PRR5L: variants seen among roughly 807,000 people sequenced by gnomAD.
PRR5L encodes proline rich 5 like, also known as proline-rich protein 5-like.
In PRR5L, 21 loss-of-function variants were observed where a neutral mutation model predicts 36.4. The observed-to-expected ratio is 0.58, with a 90% CI of 0.41 to 0.83. PRR5L has a LOEUF of 0.83. Among genes scored for constraint, PRR5L ranks in the 40% least tolerant of loss-of-function variants. The probability of loss-of-function intolerance (pLI) is 0.00; values close to 1 mark genes in which losing one functional copy is unlikely to be tolerated. For missense variants in PRR5L, 381 were observed against 473.3 expected, an observed-to-expected ratio of 0.80 and a Z score of 1.81; for synonymous variants, 188 against 197.0, an observed-to-expected ratio of 0.95 and a Z score of 0.38.
At chr11:36,422,376 T>C (rs983701971) in intron 4 of PRR5L, among the ~76,000 whole-genome samples, 4 of 152,152 alleles carry the variant, frequency 2.6e-5, no homozygotes, top group Non-Finnish European at 5.9e-5. Context: ...AGATGAGGAA[T>C]GGAACCCAGG....
intron 3 of PRR5L, among the ~76,000 whole-genome samples, chr11:36,414,888 A>G (rs1159471517): frequency 2.1e-5 from 3 of 141,598 alleles, no homozygotes; most frequent in Admixed American, 7.0e-5. Flanking sequence ...TAATTTTTGT[A>G]TAAGGTGTAA....
At chr11:36,373,137 G>A (rs998475631) in intron 1 of PRR5L, among the ~76,000 whole-genome samples, 1 of 152,118 alleles carries the variant, frequency 6.6e-6, no homozygotes, top group African/African-American at 2.4e-5. Context: ...GGCTGCCTCA[G>A]GGATAGCTAC....
chr11:36,300,202 C>T (rs1027780465), intron 1 of PRR5L, among the ~76,000 whole-genome samples: 5 of 152,042 alleles, frequency 3.3e-5, no homozygotes, highest in African/African-American at 1.2e-4. Flanking sequence ...GTTTATTTGG[C>T]TCACGTTTCT....
intron 1 of PRR5L, among the ~76,000 whole-genome samples, chr11:36,357,817 C>T (rs553785024): frequency 6.6e-6 from 1 of 152,220 alleles, no homozygotes; most frequent in South Asian, 2.1e-4. Flanking sequence ...TGCCTGCTAA[C>T]ACAACATCCG....
intron 1 of PRR5L, among the ~76,000 whole-genome samples, chr11:36,352,621 C>G (rs417207): frequency 0.069 from 10,447 of 151,998 alleles, 1,204 homozygotes; most frequent in African/African-American, 0.24. Context: ...AATTAGATCT[C>G]TGGATCCTCA....
chr11:36,338,462 G>A (rs1856788636), intron 1 of PRR5L, among the ~76,000 whole-genome samples: 1 of 152,156 alleles, frequency 6.6e-6, no homozygotes. Flanking sequence ...ATGACCATGA[G>A]ATCTCTTCAG....
intron 1 of PRR5L, among the ~76,000 whole-genome samples, chr11:36,343,212 T>C (rs1439409904): frequency 6.6e-6 from 1 of 152,182 alleles, no homozygotes; most frequent in Non-Finnish European, 1.5e-5. Context: ...TTGTTTCAAA[T>C]GTTAAAAAAA....
Position 36,363,400 on chromosome 11 carries a change from G to A in PRR5L, c.-125-37597G>A, listed in dbSNP as rs897080112. ...ATATCTTTCTTTCCAGATTAGCTGG[G>A]GACAGATTGACTGTACTAAGCAGAA... On this transcript the variant is annotated intron_variant, in intron 1 of 8. Transcript: ENST00000530639. 2.6e-5 allele frequency among the ~76,000 whole-genome samples: 4 copies of A among 152,140 alleles called. No individual in the cohort carries two copies. In the East Asian group the frequency reaches 7.7e-4, roughly 29 times the overall value.
In PRR5L at chr11:36,331,033, C is replaced by T. The variant is rs116255890; in HGVS notation, c.-126+34595C>T. 6.1e-3 allele frequency among the ~76,000 whole-genome samples: 923 copies of T among 152,082 alleles called. 11 individuals carry two copies. The highest frequency in any genetic ancestry group is 0.021 in the African/African-American group (877 of 41,486). On this transcript the variant is annotated intron_variant, in intron 1 of 8. Transcript: ENST00000530639. ...GTTGGCCAGGCTAGTCTTGAACTCC[C>T]GACCTCAATTGATCCTCCTGCCTTG...
chr11:36,412,004 G>T (rs1011513158), intron 3 of PRR5L, among the ~76,000 whole-genome samples: 1 of 152,162 alleles, frequency 6.6e-6, no homozygotes, highest in Non-Finnish European at 1.5e-5. Flanking sequence ...CTAGCAATTT[G>T]ATGAGGATTA....
intron 3 of PRR5L, among the ~76,000 whole-genome samples, chr11:36,411,049 C>T (rs191063865): frequency 7.7e-4 from 117 of 152,318 alleles, no homozygotes; most frequent in Non-Finnish European, 1.8e-4. Flanking sequence ...ATGGTTATTC[C>T]AACTCATCTT....
At chr11:36,372,878 T>G (rs1267599784) in intron 1 of PRR5L, among the ~76,000 whole-genome samples, 1 of 152,220 alleles carries the variant, frequency 6.6e-6, no homozygotes, top group Non-Finnish European at 1.5e-5. Flanking sequence ...CAATACAATC[T>G]AATATAGAAC....
At chr11:36,445,451 G>A (rs1225151573) in intron 6 of PRR5L, among the ~76,000 whole-genome samples, 1 of 151,996 alleles carries the variant, frequency 6.6e-6, no homozygotes. Flanking sequence ...AATGGGTTTG[G>A]CTCTACCAAG....
chr11:36,376,123 A>G lies in PRR5L; in HGVS notation c.-125-24874A>G, dbSNP rs552160728. ...CTCGGCAATTTTTTTTTTTTAAGTCAAAAAGCTTGGATTTCCTGAAATTGT... is the reference window on the plus strand; with the variant it reads ...CTCGGCAATTTTTTTTTTTTAAGTCGAAAAGCTTGGATTTCCTGAAATTGT... On this transcript the variant is annotated intron_variant, in intron 1 of 8. Coordinates refer to ENST00000530639, the MANE Select transcript of PRR5L (RefSeq NM_001160167.2). The G allele has an allele frequency of 1.5e-5, 20 of 1,303,122 alleles. No homozygotes were observed. In the East Asian group the frequency reaches 1.1e-3, roughly 69 times the overall value. 80.7% of individuals were successfully genotyped at this position (1,303,122 alleles called of 1,614,324 possible).
intron 1 of PRR5L, among the ~76,000 whole-genome samples, chr11:36,302,262 G>C (rs1856384670): frequency 6.6e-6 from 1 of 152,180 alleles, no homozygotes; most frequent in Admixed American, 6.5e-5. Flanking sequence ...TCCTTGAAGC[G>C]GGGATGGGGA....
intron 1 of PRR5L, among the ~76,000 whole-genome samples, chr11:36,307,059 C>G (rs1434122995): frequency 6.6e-6 from 1 of 152,128 alleles, no homozygotes; most frequent in African/African-American, 2.4e-5. Flanking sequence ...TTGTAAATTT[C>G]TAGAAGAAAC....
intron 1 of PRR5L, among the ~76,000 whole-genome samples, chr11:36,312,837 C>T (rs1407954096): frequency 6.6e-6 from 1 of 152,258 alleles, no homozygotes; most frequent in Non-Finnish European, 1.5e-5. Flanking sequence ...GGATTACAGA[C>T]CCTGACCCCT....
At chr11:36,351,775 ATTTATATAT>A (rs1167646433) in intron 1 of PRR5L, among the ~76,000 whole-genome samples, 782 of 39,064 alleles carry the variant, frequency 0.02, 26 homozygotes, top group East Asian at 0.12. Context: ...ATTTATATAT[ATTTATATAT>A]TTTTTTTATA....
At chr11:36,303,046 A>G (rs894015705) in intron 1 of PRR5L, among the ~76,000 whole-genome samples, 2 of 152,298 alleles carry the variant, frequency 1.3e-5, no homozygotes, top group Admixed American at 6.5e-5. Flanking sequence ...TCCAGAGCCC[A>G]CGCTGCCCTA....
Sources: allele counts gnomAD v4.1 joint callset (sites outside exome capture counted in the v4.1 genomes callset), GRCh38; gene constraint gnomAD v4.1.1; transcripts MANE v1.5; gene names NCBI Gene and HGNC (gene_info 2026-07-23, HGNC 2026-07-21).